PALM2AKAP2: variants seen among roughly 807,000 people sequenced by gnomAD.
The protein encoded by PALM2AKAP2 is PALM2-AKAP2 fusion protein.
In PALM2AKAP2, 37 loss-of-function variants were observed where a neutral mutation model predicts 71.5. That is an observed-to-expected ratio of 0.52 (90% CI 0.40 to 0.68). The LOEUF (loss-of-function observed/expected upper bound fraction) is 0.68, where lower values mean the gene tolerates loss of function less well. PALM2AKAP2 is among the 30% of genes least tolerant of loss of function. The pLI is 0.00. For synonymous variants in PALM2AKAP2, 468 were observed against 478.8 expected, an observed-to-expected ratio of 0.98 and a Z score of 0.29; for missense variants, 1,224 against 1,191.8, an observed-to-expected ratio of 1.03 and a Z score of -0.40.
At chr9:109,908,960 G>T (rs1029144900) in intron 3 of PALM2AKAP2, among the ~76,000 whole-genome samples, 16 of 152,172 alleles carry the variant, frequency 1.1e-4, no homozygotes, top group Admixed American at 5.9e-4. Flanking sequence ...TCACAATCTG[G>T]TATGAAAGCC....
intron 1 of PALM2AKAP2, among the ~76,000 whole-genome samples, chr9:110,105,817 G>T (rs1564307941): frequency 1.3e-5 from 2 of 152,144 alleles, no homozygotes; most frequent in Non-Finnish European, 2.9e-5. Flanking sequence ...AGACTTGCAA[G>T]CTCCCTCAGC....
intron 1 of PALM2AKAP2, among the ~76,000 whole-genome samples, chr9:109,860,168 C>T (rs1299999240): frequency 2.0e-5 from 3 of 152,092 alleles, no homozygotes; most frequent in Admixed American, 2.0e-4. Context: ...GCTGGACAGG[C>T]GATTGGACAA....
intron 3 of PALM2AKAP2, among the ~76,000 whole-genome samples, chr9:109,904,503 G>T (rs989114248): frequency 1.3e-5 from 2 of 152,096 alleles, no homozygotes; most frequent in African/African-American, 4.8e-5. Flanking sequence ...CATTGCCTCT[G>T]CATGAGACGT....
intron 1 of PALM2AKAP2, among the ~76,000 whole-genome samples, chr9:109,684,052 G>A (rs552828541): frequency 1.2e-3 from 181 of 152,080 alleles, no homozygotes; most frequent in African/African-American, 4.1e-3. Flanking sequence ...TTATAATGTC[G>A]CCAGCCTCTT....
intron 1 of PALM2AKAP2, among the ~76,000 whole-genome samples, chr9:109,749,043 A>G (rs1828846611): frequency 6.6e-6 from 1 of 152,216 alleles, no homozygotes; most frequent in Non-Finnish European, 1.5e-5. Context: ...AAGGACATCA[A>G]CAGATGAATT....
chr9:109,851,803 G>A (rs939927502), intron 1 of PALM2AKAP2, among the ~76,000 whole-genome samples: 3 of 152,146 alleles, frequency 2.0e-5, no homozygotes, highest in Non-Finnish European at 4.4e-5. Context: ...AACCCCCAAA[G>A]CAGTCAGTCA....
intron 6 of PALM2AKAP2, among the ~76,000 whole-genome samples, chr9:110,007,906 G>A (rs945968107): frequency 6.6e-5 from 10 of 152,342 alleles, no homozygotes; most frequent in African/African-American, 2.4e-4. Flanking sequence ...TTAATAGACA[G>A]TGAGGAAACC....
exon 2 of PALM2AKAP2, chr9:110,137,768 A>G: frequency 6.2e-7 from 1 of 1,614,178 alleles, no homozygotes; most frequent in Non-Finnish European, 8.5e-7. Flanking sequence ...TGAGACAACC[A>G]ATGCCCTCCA....
intron 1 of PALM2AKAP2, chr9:110,048,967 G>A: frequency 3.7e-6 from 5 of 1,340,312 alleles, no homozygotes; most frequent in Non-Finnish European, 4.9e-6. Flanking sequence ...GTCCTCGGAA[G>A]CACCGCGGGC....
intron 1 of PALM2AKAP2, among the ~76,000 whole-genome samples, chr9:109,661,525 A>G (rs1046612021): frequency 6.6e-6 from 1 of 151,970 alleles, no homozygotes; most frequent in African/African-American, 2.4e-5. Context: ...TGGTCTTTAT[A>G]TCTGTTTTGG....
At chr9:109,829,185 C>G (rs997349543) in intron 1 of PALM2AKAP2, among the ~76,000 whole-genome samples, 1 of 152,214 alleles carries the variant, frequency 6.6e-6, no homozygotes, top group African/African-American at 2.4e-5. Flanking sequence ...TTTGCATAGG[C>G]TGTCTCTCCC....
chr9:110,044,214 T>C (rs1188464423), upstream of PALM2AKAP2, among the ~76,000 whole-genome samples: 1 of 152,146 alleles, frequency 6.6e-6, no homozygotes, highest in Admixed American at 6.5e-5. Flanking sequence ...GGATTACTGC[T>C]AGCTTTTCAG....
At chr9:110,043,568 T>C (rs918809124) in intron 7 of PALM2AKAP2, among the ~76,000 whole-genome samples, 2 of 152,104 alleles carry the variant, frequency 1.3e-5, no homozygotes, top group Non-Finnish European at 2.9e-5. Flanking sequence ...TACATATTTG[T>C]ATTTTATATA....
At chr9:110,004,472 T>G (rs1276530516) in intron 6 of PALM2AKAP2, among the ~76,000 whole-genome samples, 1 of 152,218 alleles carries the variant, frequency 6.6e-6, no homozygotes, top group African/African-American at 2.4e-5. Context: ...ATTTTTTCCT[T>G]CATTTCAACT....
chr9:109,730,618 G>A (rs1828543876), intron 1 of PALM2AKAP2, among the ~76,000 whole-genome samples: 1 of 152,106 alleles, frequency 6.6e-6, no homozygotes, highest in Admixed American at 6.5e-5. Flanking sequence ...GTTTGGATTT[G>A]GCTTAAGAAA....
chr9:109,726,568 A>C (rs1396101545), intron 1 of PALM2AKAP2, among the ~76,000 whole-genome samples: 1 of 152,216 alleles, frequency 6.6e-6, no homozygotes, highest in Non-Finnish European at 1.5e-5. Context: ...CTTAAATTAA[A>C]TGTTTGCTTT....
chr9:109,870,473 G>A (rs563466588), intron 2 of PALM2AKAP2, among the ~76,000 whole-genome samples: 3 of 152,250 alleles, frequency 2.0e-5, no homozygotes, highest in South Asian at 2.1e-4. Flanking sequence ...GTTAGCCACC[G>A]TCAGTAACAG....
rs114738509 is a variant in PALM2AKAP2, at chr9:110,041,267, T to C, written c.582+25228T>C. On this transcript the variant is annotated intron_variant, in intron 7 of 9. Coordinates refer to the PALM2AKAP2 transcript ENST00000302798. The stretch of plus-strand genomic sequence containing the variant: ...ACACAGGTCTTCCCATGCTGCTTTT[T>C]TGTTGTTGAAGATTTTAGTTTTGAA... 5.0e-3 allele frequency among the ~76,000 whole-genome samples: 739 copies of C among 148,292 alleles called. 5 individuals carry two copies. Among genetic ancestry groups the C allele is most frequent in the African/African-American group, 0.017 (688 of 39,658 alleles).
chr9:109,753,424 G>A (rs7042004), intron 1 of PALM2AKAP2, among the ~76,000 whole-genome samples: 83,240 of 151,934 alleles, frequency 0.55, 23,143 homozygotes, highest in South Asian at 0.66. Flanking sequence ...GCTTCCAAAA[G>A]CATACTCGAG....
Sources: gnomAD v4.1 joint callset for allele counts (sites outside exome capture counted in the v4.1 genomes callset) on GRCh38, gnomAD v4.1.1 for gene constraint, MANE v1.5 for transcripts, NCBI Gene and HGNC (gene_info 2026-07-23, HGNC 2026-07-21) for gene names.